ACOT7: variants seen among roughly 807,000 people sequenced by gnomAD.
ACOT7 encodes the protein cytosolic acyl coenzyme A thioester hydrolase.
Under a neutral mutation model 40.2 loss-of-function variants are expected in ACOT7, and 12 were observed. That is an observed-to-expected ratio of 0.30 (90% confidence interval 0.19 to 0.48). The LOEUF (loss-of-function observed/expected upper bound fraction) is 0.48. Ranked by LOEUF, ACOT7 falls within the 20% of genes least tolerant of loss-of-function variation. The pLI is 0.99. For missense variants in ACOT7, 395 were observed against 530.8 expected, an observed-to-expected ratio of 0.74 and a Z score of 2.51; for synonymous variants, 228 against 219.5, an observed-to-expected ratio of 1.04 and a Z score of -0.34.
intron 6 of ACOT7, among the ~76,000 whole-genome samples, chr1:6,298,038 G>C (rs753685063): frequency 1.1e-4 from 16 of 152,188 alleles, no homozygotes; most frequent in Non-Finnish European, 1.9e-4. Context: ...GTGAGGGGAG[G>C]AGGGGCCAGG....
intron 6 of ACOT7, among the ~76,000 whole-genome samples, chr1:6,316,527 G>A (rs1177965816): frequency 3.3e-5 from 5 of 152,126 alleles, no homozygotes; most frequent in African/African-American, 4.8e-5. Flanking sequence ...TCTCACATCA[G>A]GGCCGGGCGC....
At chr1:6,360,766 C>A (rs1015563781) in intron 1 of ACOT7, 51 of 1,542,910 alleles carry the variant, frequency 3.3e-5, no homozygotes, top group Admixed American at 1.5e-4. Context: ...TCCCTCCAGG[C>A]GGGCATTGCT....
chr1:6,370,620 G>A (rs1642113299), intron 1 of ACOT7, among the ~76,000 whole-genome samples: 1 of 151,070 alleles, frequency 6.6e-6, no homozygotes, highest in African/African-American at 2.4e-5. Flanking sequence ...CTCCCAAGTA[G>A]CTGGGATTAC....
chr1:6,318,611 G>T (rs913368846), intron 5 of ACOT7, 33 bp from the exon 6 acceptor site: 7 of 1,605,350 alleles, frequency 4.4e-6, no homozygotes, highest in South Asian at 1.1e-5. Flanking sequence ...TTAGTTATGG[G>T]GTAGGCTGAT....
rs1319195607 is a variant in ACOT7 at position 6,275,352 on chromosome 1, G to A, written c.1014+5750C>T. Among the ~76,000 whole-genome samples the A allele has an allele frequency of 1.3e-5, 2 of 152,188 alleles. No individual in the cohort carries two copies. Among genetic ancestry groups the A allele is most frequent in the African/African-American group, 2.4e-5 (1 of 41,448 alleles). On this transcript the variant is annotated intron_variant, in intron 8 of 8. Transcript: ENST00000361521. This position sits in a 1 kb window ranked among gnomAD's most constrained non-coding sequence, Gnocchi z 5.6. ...CTTCTAGGTCGGGGCACGTCAGAGC[G>A]GACAAAGCTCAACAGGGTGCGTTTT... is the stretch of plus-strand genomic sequence containing the variant.
intron 8 of ACOT7, among the ~76,000 whole-genome samples, chr1:6,267,588 A>T (rs966779225): frequency 6.6e-6 from 1 of 152,224 alleles, no homozygotes; most frequent in Non-Finnish European, 1.5e-5. Flanking sequence ...TATGCACTAA[A>T]TGGCCTCTTA....
rs1022185853 is a variant in ACOT7, at chr1:6,330,042, T to A, written c.511-2629A>T. ...GGGTTCCTCCAGGGAGACGCACACA[T>A]CCAGGAAACCAGTGTGTGTGTGTGG... On this transcript the variant is annotated intron_variant, in intron 4 of 8. Transcript: ENST00000361521. The surrounding 1 kb of genome is among the most constrained non-coding windows in gnomAD (Gnocchi z 4.6). 5.9e-5 allele frequency among the ~76,000 whole-genome samples: 9 copies of A among 152,148 alleles called. 1 individual carries two copies. In the South Asian group the frequency reaches 6.2e-4, roughly 11 times the overall value.
At chr1:6,304,623 CTG>C (rs1482095836) in intron 6 of ACOT7, among the ~76,000 whole-genome samples, 3 of 135,502 alleles carry the variant, frequency 2.2e-5, no homozygotes, top group African/African-American at 8.9e-5. Flanking sequence ...CTTCAAGCAT[CTG>C]TTTAACAAAG....
intron 8 of ACOT7, 73 bp from the exon 9 acceptor site, chr1:6,264,768 T>C: frequency 6.7e-7 from 1 of 1,493,740 alleles, no homozygotes; most frequent in Non-Finnish European, 9.1e-7. Context: ...TGACCTGGCC[T>C]GGGGCCCTGC....
chr1:6,305,996 G>A (rs1181205817), intron 6 of ACOT7, among the ~76,000 whole-genome samples: 5 of 151,976 alleles, frequency 3.3e-5, no homozygotes, highest in Admixed American at 6.6e-5. Flanking sequence ...AGACCAGCCC[G>A]GCCAACACAG....
At chr1:6,323,348 T>G (rs1640700399) in intron 5 of ACOT7, among the ~76,000 whole-genome samples, 1 of 152,058 alleles carries the variant, frequency 6.6e-6, no homozygotes, top group African/African-American at 2.4e-5. Flanking sequence ...TTGGGGCTTG[T>G]CAGTTAGGAA....
chr1:6,389,112 C>A (rs564090061), intron 1 of ACOT7, among the ~76,000 whole-genome samples: 2 of 151,938 alleles, frequency 1.3e-5, no homozygotes, highest in Non-Finnish European at 2.9e-5. Context: ...TAATTCTAAC[C>A]CCATAACATA....
chr1:6,364,402 G>A lies in ACOT7; in HGVS notation c.144-14536C>T, dbSNP rs563072827. On this transcript the variant is annotated intron_variant, in intron 1 of 8. Transcript: ENST00000361521. ...ACTAAAAATACAAAATTAGCTGGGC[G>A]TGATGGTGCATGCATGTAATCCCAG... 8.5e-5 allele frequency among the ~76,000 whole-genome samples: 13 copies of A among 152,062 alleles called. No homozygotes were observed. In the East Asian group the frequency reaches 2.1e-3, roughly 25 times the overall value.
intron 1 of ACOT7, among the ~76,000 whole-genome samples, chr1:6,364,465 C>T (rs551932107): frequency 5.9e-4 from 88 of 149,804 alleles, no homozygotes; most frequent in African/African-American, 1.9e-3. Context: ...CCCTTGAAGC[C>T]GGGAGGCAGA....
At chr1:6,291,079 A>G (rs971624609) in intron 7 of ACOT7, among the ~76,000 whole-genome samples, 1 of 152,184 alleles carries the variant, frequency 6.6e-6, no homozygotes, top group African/African-American at 2.4e-5. Context: ...TGATTTTATA[A>G]AAGTGGAAGT....
At chr1:6,264,811 G>A (rs1041409990) in intron 8 of ACOT7, 116 bp from the exon 9 acceptor site, 1 of 1,082,470 alleles carries the variant, frequency 9.2e-7, no homozygotes, top group Non-Finnish European at 1.3e-6. Flanking sequence ...CACCCCTGGT[G>A]CATGCTGAGT....
At chr1:6,347,286 G>A (rs770341485) in intron 2 of ACOT7, among the ~76,000 whole-genome samples, 53 of 152,200 alleles carry the variant, frequency 3.5e-4, no homozygotes, top group Non-Finnish European at 6.9e-4. Flanking sequence ...CCAAGCCAAT[G>A]TGTCAAAACT....
At chr1:6,376,685 C>G (rs574304940) in intron 1 of ACOT7, among the ~76,000 whole-genome samples, 15 of 148,402 alleles carry the variant, frequency 1.0e-4, no homozygotes, top group African/African-American at 3.8e-4. Context: ...CGAGATGGCA[C>G]TATTGCACTC....
In ACOT7 at chr1:6,351,853, T is replaced by C. The variant is rs139611304; in HGVS notation, c.144-1987A>G. Reference sequence around the variant, plus strand: ...CAGCGGAGGAAGTGCTTTCATGCGGTGGGCACTGAAGACAGGACAGATATG... The same window carrying C: ...CAGCGGAGGAAGTGCTTTCATGCGGCGGGCACTGAAGACAGGACAGATATG... On this transcript the variant is annotated intron_variant, in intron 1 of 8. Coordinates refer to ENST00000361521, the MANE Select transcript of ACOT7 (RefSeq NM_007274.4). Among the ~76,000 whole-genome samples, 173 of 152,286 alleles carry C rather than the reference T, an allele frequency of 1.1e-3. 1 individual carries two copies. The highest frequency in any genetic ancestry group is 3.9e-3 in the African/African-American group (163 of 41,566).
Sources: gnomAD v4.1 joint callset for allele counts (sites outside exome capture counted in the v4.1 genomes callset) on GRCh38, gnomAD v4.1.1 for gene constraint, Gnocchi (gnomAD v3.1) non-coding constraint, MANE v1.5 for transcripts, NCBI Gene and HGNC (gene_info 2026-07-23, HGNC 2026-07-21) for gene names.